The following FAM107B variants were observed in gnomAD, a reference collection of about 807,000 sequenced individuals.
FAM107B encodes family with sequence similarity 107 member B, also known as protein FAM107B.
A neutral mutation model predicts 31.5 loss-of-function variants in FAM107B; 21 were observed. That is an observed-to-expected ratio of 0.67 (90% CI 0.47 to 0.96). FAM107B has a LOEUF of 0.96. Ranked by LOEUF, FAM107B falls within the 40% of genes least tolerant of loss-of-function variation. The probability of loss-of-function intolerance (pLI) is 0.00; values close to 1 mark genes in which losing one functional copy is unlikely to be tolerated. For synonymous variants in FAM107B, 157 were observed against 141.5 expected (o/e 1.11, Z -0.78); for missense variants, 452 against 377.1 (o/e 1.20, Z -1.64).
intron 2 of FAM107B, among the ~76,000 whole-genome samples, chr10:14,549,259 G>A (rs1036228156): frequency 7.9e-5 from 12 of 152,230 alleles, no homozygotes; most frequent in Admixed American, 2.6e-4. Context: ...TTCAAAGGCA[G>A]GCCATCCTCC....
At chr10:14,770,667 T>G (rs141192928) in intron 1 of FAM107B, among the ~76,000 whole-genome samples, 2 of 152,348 alleles carry the variant, frequency 1.3e-5, no homozygotes, top group South Asian at 2.1e-4. Flanking sequence ...CTAACAATTA[T>G]AAGACACATT....
chr10:14,522,303 G>A (rs934422968), intron 3 of FAM107B: 2 of 362,526 alleles, frequency 5.5e-6, no homozygotes, highest in Non-Finnish European at 1.0e-5. Context: ...GGGCAGTGAG[G>A]GTGGGGATGT....
At chr10:14,599,208 G>A (rs1282559736) in intron 2 of FAM107B, among the ~76,000 whole-genome samples, 1 of 151,972 alleles carries the variant, frequency 6.6e-6, no homozygotes, top group Non-Finnish European at 1.5e-5. Context: ...TACATAACCT[G>A]AGGGTTGCTG....
chr10:14,717,039 G>A (rs886338134), intron 1 of FAM107B, among the ~76,000 whole-genome samples: 5 of 152,154 alleles, frequency 3.3e-5, no homozygotes, highest in East Asian at 1.9e-4. Flanking sequence ...GCAGGGAGCC[G>A]AGATAGCGCC....
rs1231333993 is a variant in FAM107B, at chr10:14,774,558, C to G, written c.106G>C (p.Glu36Gln). The G allele has an allele frequency of 1.2e-6, 2 of 1,614,196 alleles. No homozygotes were observed. The highest frequency in any genetic ancestry group is 1.7e-6 in the Non-Finnish European group (2 of 1,180,034). ...ALLACFGNTRESASFNQSGVA... is the reference protein window; with the variant it reads ...ALLACFGNTRQSASFNQSGVA... ...CCGGACTGATTGAAGGAAGCACTCT[C>G]CCTCGTATTCCCAAAACAGGCGAGC... The change falls in exon 1 of 5, where the codon GAG (glutamate) becomes CAG (glutamine). Residue 36 changes from glutamate to glutamine, a missense_variant. Glu to Gln is a conservative substitution (Grantham distance 29). Transcript: ENST00000181796.
chr10:14,659,748 G>A (rs748803429), intron 2 of FAM107B, among the ~76,000 whole-genome samples: 3 of 152,122 alleles, frequency 2.0e-5, no homozygotes, highest in Non-Finnish European at 4.4e-5. Flanking sequence ...TCAGAAAATG[G>A]GTCTCGTTTT....
intron 1 of FAM107B, among the ~76,000 whole-genome samples, chr10:14,715,626 T>G (rs904241434): frequency 5.3e-5 from 8 of 152,176 alleles, no homozygotes; most frequent in Admixed American, 2.6e-4. Context: ...CCAGCATAGG[T>G]GGGCACCATT....
At chr10:14,524,546 G>A (rs1846023053) in intron 3 of FAM107B, among the ~76,000 whole-genome samples, 1 of 152,108 alleles carries the variant, frequency 6.6e-6, no homozygotes, top group South Asian at 2.1e-4. Context: ...TAAAAAATAT[G>A]CACAGATTAA....
chr10:14,590,634 G>A (rs1851984647), intron 2 of FAM107B, among the ~76,000 whole-genome samples: 1 of 152,080 alleles, frequency 6.6e-6, no homozygotes, highest in South Asian at 2.1e-4. Context: ...AACAATTCAA[G>A]TATCTACCCT....
At chr10:14,618,749 G>A (rs1353234118) in intron 2 of FAM107B, among the ~76,000 whole-genome samples, 1 of 152,076 alleles carries the variant, frequency 6.6e-6, no homozygotes, top group Non-Finnish European at 1.5e-5. Flanking sequence ...AGGCAGGAGA[G>A]TCGCTTGAAC....
chr10:14,659,129 C>T (rs542506927), intron 2 of FAM107B, among the ~76,000 whole-genome samples: 39 of 152,126 alleles, frequency 2.6e-4, no homozygotes, highest in Non-Finnish European at 5.4e-4. Flanking sequence ...TAATTAAAGG[C>T]CTCCCATGAA....
chr10:14,691,451 G>A (rs192229650), intron 1 of FAM107B, among the ~76,000 whole-genome samples: 42 of 152,276 alleles, frequency 2.8e-4, no homozygotes, highest in East Asian at 1.2e-3. Context: ...CTGCTGCTTC[G>A]GGGTCGAAAC....
At chr10:14,731,723 T>C (rs944719241) in intron 1 of FAM107B, among the ~76,000 whole-genome samples, 4 of 152,200 alleles carry the variant, frequency 2.6e-5, no homozygotes, top group Admixed American at 2.6e-4. Flanking sequence ...GTACCTTTTC[T>C]ATGTTTAGAT....
intron 1 of FAM107B, among the ~76,000 whole-genome samples, chr10:14,679,571 C>A (rs1854778401): frequency 6.6e-6 from 1 of 152,198 alleles, no homozygotes; most frequent in African/African-American, 2.4e-5. Flanking sequence ...AGCCTTTCAC[C>A]CCCTTCTGGT....
chr10:14,707,532 G>A (rs1359783026), intron 1 of FAM107B, among the ~76,000 whole-genome samples: 2 of 152,178 alleles, frequency 1.3e-5, no homozygotes, highest in African/African-American at 4.8e-5. Flanking sequence ...ATCCATGACT[G>A]CAGAAGAAAA....
chr10:14,645,448 G>A (rs1853728063), intron 2 of FAM107B, among the ~76,000 whole-genome samples: 1 of 151,946 alleles, frequency 6.6e-6, no homozygotes, highest in Non-Finnish European at 1.5e-5. Flanking sequence ...GCCTGAGAAA[G>A]AACACACTGT....
chr10:14,713,573 A>G (rs1479965127), intron 1 of FAM107B, among the ~76,000 whole-genome samples: 1 of 152,242 alleles, frequency 6.6e-6, no homozygotes, highest in Non-Finnish European at 1.5e-5. Flanking sequence ...ATTCTGGAAC[A>G]GACAGTGTTA....
chr10:14,559,003 A>T (rs538035942), intron 2 of FAM107B, among the ~76,000 whole-genome samples: 1 of 151,776 alleles, frequency 6.6e-6, no homozygotes, highest in Non-Finnish European at 1.5e-5. Context: ...TTTCCATGTG[A>T]ACCAACTGGC....
At chr10:14,610,070 A>G (rs1852689343) in intron 2 of FAM107B, among the ~76,000 whole-genome samples, 1 of 152,218 alleles carries the variant, frequency 6.6e-6, no homozygotes, top group Admixed American at 6.5e-5. Context: ...TAGGCCGGGC[A>G]CGGTGGCTCA....
Sources: allele counts gnomAD v4.1 joint callset (sites outside exome capture counted in the v4.1 genomes callset), GRCh38; gene constraint gnomAD v4.1.1; transcripts MANE v1.5; gene names NCBI Gene and HGNC (gene_info 2026-07-23, HGNC 2026-07-21).